ALPK2: variants seen among roughly 807,000 people sequenced by gnomAD.
The protein encoded by ALPK2 is alpha-protein kinase 2.
A neutral mutation model predicts 163.1 loss-of-function variants in ALPK2; 127 were observed. The ratio of observed to expected loss-of-function variants is 0.78; its 90% CI spans 0.67 to 0.90. The LOEUF is 0.90. ALPK2 is among the 40% of genes least tolerant of loss of function. ALPK2 has a pLI of 0.00. For missense variants in ALPK2, 2,360 were observed against 2,589.6 expected (o/e 0.91, Z 1.92); for synonymous variants, 953 against 959.1 (o/e 0.99, Z 0.12).
chr18:58,621,640 A>G (rs2052200987), intron 1 of ALPK2, among the ~76,000 whole-genome samples: 2 of 152,220 alleles, frequency 1.3e-5, no homozygotes. Context: ...ATGCTTGTTT[A>G]TACATATATT....
At chr18:58,572,891 A>C (rs905795909) in intron 4 of ALPK2, among the ~76,000 whole-genome samples, 4 of 152,230 alleles carry the variant, frequency 2.6e-5, no homozygotes, top group Non-Finnish European at 5.9e-5. Context: ...AAATTACATC[A>C]GTAGATTGTA....
intron 3 of ALPK2, among the ~76,000 whole-genome samples, chr18:58,592,393 G>A (rs11873195): frequency 0.14 from 20,567 of 152,250 alleles, 1,508 homozygotes; most frequent in Non-Finnish European, 0.16. Context: ...AGGGGCCTGG[G>A]CCTTCAGGAA....
At chr18:58,576,353 C>T (rs1288204790) in intron 4 of ALPK2, among the ~76,000 whole-genome samples, 1 of 152,060 alleles carries the variant, frequency 6.6e-6, no homozygotes, top group African/African-American at 2.4e-5. Context: ...GCCCAGGCAA[C>T]AATAGCAAGA....
chr18:58,551,423 G>A (rs991360522), intron 4 of ALPK2, among the ~76,000 whole-genome samples: 5 of 151,986 alleles, frequency 3.3e-5, no homozygotes, highest in African/African-American at 9.7e-5. Flanking sequence ...ATATCTTTCC[G>A]TGTGTCCTCT....
chr18:58,580,587 T>G (rs749430154), intron 3 of ALPK2, 39 bp from the exon 4 acceptor site: 1 of 1,518,818 alleles, frequency 6.6e-7, no homozygotes, highest in Non-Finnish European at 9.0e-7. Context: ...TTGCCACATT[T>G]GGACATGCAT....
chr18:58,515,400 A>G (rs1013179605), intron 9 of ALPK2, among the ~76,000 whole-genome samples: 9 of 152,344 alleles, frequency 5.9e-5, no homozygotes, highest in African/African-American at 1.7e-4. Flanking sequence ...TCATCACGTC[A>G]TCAGGTGGCA....
intron 8 of ALPK2, among the ~76,000 whole-genome samples, chr18:58,523,299 T>C (rs1232195157): frequency 6.6e-6 from 1 of 152,112 alleles, no homozygotes; most frequent in Non-Finnish European, 1.5e-5. Flanking sequence ...CACATTTTCT[T>C]AATCCAGTCT....
chr18:58,601,834 C>T (rs2052071515), intron 3 of ALPK2, among the ~76,000 whole-genome samples: 2 of 152,214 alleles, frequency 1.3e-5, no homozygotes, highest in South Asian at 4.1e-4. Flanking sequence ...AACTGCTGCT[C>T]TACGAGAGCA....
intron 3 of ALPK2, among the ~76,000 whole-genome samples, chr18:58,606,831 C>CA (rs1370621858): frequency 2.6e-5 from 4 of 151,662 alleles, no homozygotes; most frequent in Non-Finnish European, 5.9e-5. Flanking sequence ...CTTGGAGGAA[C>CA]AAAAAAAAAT....
intron 1 of ALPK2, among the ~76,000 whole-genome samples, chr18:58,618,910 C>T (rs998342827): frequency 1.3e-5 from 2 of 152,160 alleles, no homozygotes; most frequent in African/African-American, 2.4e-5. Context: ...ACAAGCAGAC[C>T]ACAGGTAACC....
intron 1 of ALPK2, among the ~76,000 whole-genome samples, chr18:58,621,339 A>G (rs902781730): frequency 9.3e-5 from 14 of 149,790 alleles, no homozygotes; most frequent in African/African-American, 2.7e-4. Context: ...CAGTGGCACT[A>G]TCTCGGCTCA....
intron 4 of ALPK2, among the ~76,000 whole-genome samples, chr18:58,577,305 C>T (rs950887488): frequency 3.9e-5 from 6 of 152,138 alleles, no homozygotes; most frequent in South Asian, 2.1e-4. Context: ...AAACCAATAT[C>T]GTCAGTAAAT....
At chr18:58,619,314 C>G (rs1244394550) in intron 1 of ALPK2, among the ~76,000 whole-genome samples, 1 of 152,164 alleles carries the variant, frequency 6.6e-6, no homozygotes, top group Non-Finnish European at 1.5e-5. Flanking sequence ...GCTTCAGTCA[C>G]TTCTAAAGGT....
Position 58,537,333 on chromosome 18 carries a change from G to T in ALPK2, c.2854C>A (p.Pro952Thr). 1 of 1,614,128 alleles carries T rather than the reference G, an allele frequency of 6.2e-7. No homozygotes were observed. Residue 952 changes from proline (P) to threonine (T), a missense_variant, in exon 5 of 13, where the codon CCT becomes ACT. Coordinates refer to ENST00000361673, the MANE Select transcript of ALPK2 (RefSeq NM_052947.4). ...ETQLLSSENN[P>T]LVQFKEGGDK... The stretch of plus-strand genomic sequence containing the variant: ...CCTCCTTCTTTAAATTGCACTAAAG[G>T]ATTGTTCTCAGAAGAAAGGAGCTGT...
At chr18:58,582,137 T>G (rs893545550) in intron 3 of ALPK2, among the ~76,000 whole-genome samples, 3 of 152,230 alleles carry the variant, frequency 2.0e-5, no homozygotes, top group Non-Finnish European at 4.4e-5. Context: ...ATACTGGGCT[T>G]TGCCTTGGCC....
chr18:58,550,560 A>G (rs1168949707), intron 4 of ALPK2, among the ~76,000 whole-genome samples: 1 of 149,134 alleles, frequency 6.7e-6, no homozygotes, highest in Non-Finnish European at 1.5e-5. Flanking sequence ...TCTATCATAT[A>G]TGACTCTACC....
chr18:58,611,637 C>T, intron 2 of ALPK2, 52 bp downstream of exon 2: 1 of 1,498,212 alleles, frequency 6.7e-7, no homozygotes, highest in Non-Finnish European at 9.2e-7. Flanking sequence ...GCCAAGAAAC[C>T]TGGTATGCAG....
chr18:58,565,958 T>C (rs2051850875), intron 4 of ALPK2, among the ~76,000 whole-genome samples: 1 of 152,106 alleles, frequency 6.6e-6, no homozygotes, highest in South Asian at 2.1e-4. Context: ...AATTTTTGTA[T>C]TTTTAGTAGA....
chr18:58,492,591 T>G (rs1430748832), intron 12 of ALPK2, among the ~76,000 whole-genome samples: 1 of 152,232 alleles, frequency 6.6e-6, no homozygotes, highest in Non-Finnish European at 1.5e-5. Context: ...GCCACCAGTC[T>G]GTCCTGCAGG....
Sources: allele counts gnomAD v4.1 joint callset (sites outside exome capture counted in the v4.1 genomes callset), GRCh38; gene constraint gnomAD v4.1.1; transcripts MANE v1.5; gene names NCBI Gene and HGNC (gene_info 2026-07-23, HGNC 2026-07-21).